Variants in PKHD1 observed in about 807,000 individuals in gnomAD.
The protein encoded by PKHD1 is PKHD1 ciliary IPT domain containing fibrocystin/polyductin.
A neutral mutation model predicts 412.0 loss-of-function variants in PKHD1; 291 were observed. The observed-to-expected ratio is 0.71, with a 90% CI of 0.64 to 0.78. PKHD1 has a LOEUF of 0.78. Ranked by LOEUF, PKHD1 falls within the 30% of genes least tolerant of loss-of-function variation. The pLI is 0.00. For missense variants in PKHD1, 4,825 were observed against 4,950.7 expected (o/e 0.97, Z 0.76); for synonymous variants, 1,777 against 1,821.5 (o/e 0.98, Z 0.62).
At chr6:51,843,754 A>G (rs1330763925) in intron 50 of PKHD1, among the ~76,000 whole-genome samples, 1 of 152,230 alleles carries the variant, frequency 6.6e-6, no homozygotes, top group Non-Finnish European at 1.5e-5. Flanking sequence ...AACACAAACA[A>G]TAGTGCACAC....
intron 35 of PKHD1, among the ~76,000 whole-genome samples, chr6:52,008,558 G>A (rs968369999): frequency 5.3e-5 from 8 of 152,278 alleles, no homozygotes; most frequent in South Asian, 4.1e-4. Flanking sequence ...ACTTTGAGAT[G>A]ATGGGAAATT....
At chr6:51,739,549 T>A (rs761897482) in intron 60 of PKHD1, among the ~76,000 whole-genome samples, 1 of 152,204 alleles carries the variant, frequency 6.6e-6, no homozygotes, top group Non-Finnish European at 1.5e-5. Context: ...ATTTGGAATT[T>A]TGTTTATGTA....
At chr6:51,796,324 T>G (rs569723480) in intron 52 of PKHD1, among the ~76,000 whole-genome samples, 1 of 152,296 alleles carries the variant, frequency 6.6e-6, no homozygotes, top group South Asian at 2.1e-4. Flanking sequence ...TGAGGGTTGT[T>G]TGTGTTTCTC....
intron 49 of PKHD1, among the ~76,000 whole-genome samples, chr6:51,854,429 T>C (rs958385324): frequency 6.6e-6 from 1 of 152,076 alleles, no homozygotes; most frequent in Non-Finnish European, 1.5e-5. Flanking sequence ...GCAGGACCCG[T>C]TCAACAAAGC....
At chr6:52,003,289 C>T (rs140134315) in intron 35 of PKHD1, among the ~76,000 whole-genome samples, 8 of 152,072 alleles carry the variant, frequency 5.3e-5, no homozygotes, top group South Asian at 2.1e-4. Flanking sequence ...GAAAAACAGA[C>T]GAGATGAGAA....
chr6:51,795,799 T>A (rs1794503850), intron 52 of PKHD1, among the ~76,000 whole-genome samples: 1 of 152,222 alleles, frequency 6.6e-6, no homozygotes, highest in Non-Finnish European at 1.5e-5. Flanking sequence ...TGGTCTTTAG[T>A]TCTGTTTGTG....
intron 35 of PKHD1, among the ~76,000 whole-genome samples, chr6:51,993,335 C>T (rs924265803): frequency 6.6e-6 from 1 of 152,250 alleles, no homozygotes; most frequent in Non-Finnish European, 1.5e-5. Flanking sequence ...CACATCTCAT[C>T]AGTGTCACTG....
chr6:51,850,607 G>T (rs537314686), intron 49 of PKHD1, among the ~76,000 whole-genome samples: 31 of 151,908 alleles, frequency 2.0e-4, no homozygotes, highest in Non-Finnish European at 1.5e-4. Context: ...GAGGTCCTTC[G>T]CACTGCTTGT....
chr6:51,840,283 T>G (rs1769946919), intron 50 of PKHD1, among the ~76,000 whole-genome samples: 1 of 152,150 alleles, frequency 6.6e-6, no homozygotes, highest in Admixed American at 6.5e-5. Context: ...GGAAGGCATC[T>G]TGGCCCTCAT....
At position 52,066,085 on chromosome 6, in the gene PKHD1, A is replaced by T. The variant is rs1809654814; in HGVS notation, c.779-8T>A. 5.1e-6 allele frequency: 6 copies of T among 1,179,176 alleles called. No homozygotes were observed. The highest frequency in any genetic ancestry group is 7.3e-6 in the Non-Finnish European group (6 of 817,912). The allele number at this position is 1,179,176 out of a possible 1,614,324, so 73.0% of individuals were successfully genotyped here. The stretch of plus-strand genomic sequence containing the variant: ...GAAACACAGATAATATTTCTGCAAG[A>T]GTTAAAAAAAAAAAAAAGTAAGCTT... On this transcript the variant is annotated splice_polypyrimidine_tract_variant and splice_region_variant and intron_variant, in intron 11 of 66. Coordinates refer to ENST00000371117, the MANE Select transcript of PKHD1 (RefSeq NM_138694.4).
chr6:51,984,949 A>C (rs1048811242), intron 35 of PKHD1, among the ~76,000 whole-genome samples: 1 of 152,244 alleles, frequency 6.6e-6, no homozygotes, highest in Non-Finnish European at 1.5e-5. Context: ...GAGAAAAAAT[A>C]AGGAGAAAGC....
intron 60 of PKHD1, among the ~76,000 whole-genome samples, chr6:51,671,182 C>T (rs1774903092): frequency 6.6e-6 from 1 of 152,124 alleles, no homozygotes; most frequent in Admixed American, 6.6e-5. Flanking sequence ...TTTTCAGGTA[C>T]ACCAATCAGA....
intron 50 of PKHD1, among the ~76,000 whole-genome samples, chr6:51,838,922 G>C (rs935077111): frequency 2.2e-4 from 33 of 152,166 alleles, no homozygotes; most frequent in African/African-American, 7.7e-4. Flanking sequence ...AACATGCTTA[G>C]CACAGTGCCT....
chr6:52,001,283 C>T (rs910110665), intron 35 of PKHD1, among the ~76,000 whole-genome samples: 1 of 151,944 alleles, frequency 6.6e-6, no homozygotes, highest in Non-Finnish European at 1.5e-5. Flanking sequence ...AATAACAATA[C>T]ATTAATAGTA....
chr6:51,737,090 T>C (rs888922175), intron 60 of PKHD1, among the ~76,000 whole-genome samples: 3 of 152,198 alleles, frequency 2.0e-5, no homozygotes, highest in African/African-American at 7.2e-5. Context: ...CACAGTGGTT[T>C]ATAACTTTCT....
chr6:51,953,250 C>T (rs1321595541), intron 36 of PKHD1, among the ~76,000 whole-genome samples: 1 of 152,002 alleles, frequency 6.6e-6, no homozygotes, highest in Admixed American at 6.6e-5. Context: ...ATGTTTCCAG[C>T]CCACAAAACC....
intron 52 of PKHD1, among the ~76,000 whole-genome samples, chr6:51,808,057 G>A (rs895750270): frequency 5.3e-5 from 8 of 152,100 alleles, no homozygotes; most frequent in Admixed American, 5.2e-4. Flanking sequence ...TTTATGGTAT[G>A]TGAATTATAT....
chr6:51,682,289 A>G (rs1353587516), intron 60 of PKHD1: 1 of 448,978 alleles, frequency 2.2e-6, no homozygotes, highest in South Asian at 1.6e-5. Flanking sequence ...TCTAAACACA[A>G]GTTTTCTTTA....
chr6:51,826,135 C>A (rs1767269219), intron 52 of PKHD1, among the ~76,000 whole-genome samples: 1 of 152,110 alleles, frequency 6.6e-6, no homozygotes, highest in African/African-American at 2.4e-5. Context: ...GATCATCTTG[C>A]TTCATATCAC....
Sources: gnomAD v4.1 joint callset for allele counts (sites outside exome capture counted in the v4.1 genomes callset) on GRCh38, gnomAD v4.1.1 for gene constraint, MANE v1.5 for transcripts, NCBI Gene and HGNC (gene_info 2026-07-23, HGNC 2026-07-21) for gene names.